FUT9: variants seen among roughly 807,000 people sequenced by gnomAD.
FUT9 encodes the protein fucosyltransferase 9.
FUT9 carries 15 observed loss-of-function variants against 29.7 expected under a neutral mutation model. The ratio of observed to expected loss-of-function variants is 0.51; its 90% CI spans 0.34 to 0.78. FUT9 has a LOEUF of 0.78. Ranked by LOEUF, FUT9 falls within the 30% of genes least tolerant of loss-of-function variation. The probability of loss-of-function intolerance (pLI) is 0.01; values close to 1 mark genes in which losing one functional copy is unlikely to be tolerated. For synonymous variants in FUT9, 169 were observed against 153.7 expected, an observed-to-expected ratio of 1.10 and a Z score of -0.74; for missense variants, 319 against 425.4, an observed-to-expected ratio of 0.75 and a Z score of 2.20.
intron 1 of FUT9, among the ~76,000 whole-genome samples, chr6:96,057,969 A>G (rs759317812): frequency 3.3e-5 from 5 of 152,284 alleles, no homozygotes; most frequent in African/African-American, 4.8e-5. Context: ...AGCCTCTCCA[A>G]ACATTTTTAA....
chr6:96,092,883 C>T (rs999155170), intron 1 of FUT9, among the ~76,000 whole-genome samples: 2 of 152,036 alleles, frequency 1.3e-5, no homozygotes, highest in African/African-American at 4.8e-5. Context: ...ACCTCAACCT[C>T]CTGAGTAGTT....
At chr6:96,158,554 G>C (rs1440347333) in intron 2 of FUT9, among the ~76,000 whole-genome samples, 1 of 152,068 alleles carries the variant, frequency 6.6e-6, no homozygotes, top group Non-Finnish European at 1.5e-5. Flanking sequence ...GGGCAAAACA[G>C]ATTGGTCCCT....
At chr6:96,055,117 T>C (rs1261250523) in intron 1 of FUT9, among the ~76,000 whole-genome samples, 1 of 152,176 alleles carries the variant, frequency 6.6e-6, no homozygotes, top group African/African-American at 2.4e-5. Context: ...TGCTCTTATT[T>C]AATACTGTAT....
intron 1 of FUT9, among the ~76,000 whole-genome samples, chr6:96,054,493 TAA>T (rs1402432177): frequency 1.3e-5 from 2 of 152,046 alleles, no homozygotes; most frequent in African/African-American, 2.4e-5. Context: ...ACTACAAAGA[TAA>T]AAGAAAAGAA....
chr6:96,060,752 G>C (rs1048185159), intron 1 of FUT9, among the ~76,000 whole-genome samples: 3 of 152,116 alleles, frequency 2.0e-5, no homozygotes, highest in Non-Finnish European at 2.9e-5. Flanking sequence ...TAGCCAGGCT[G>C]TTCTCAAACT....
At chr6:96,032,525 G>A (rs182928854) in intron 1 of FUT9, among the ~76,000 whole-genome samples, 112 of 151,662 alleles carry the variant, frequency 7.4e-4, no homozygotes, top group African/African-American at 2.6e-3. Context: ...TTAAATATCT[G>A]AGTAACTCTA....
At chr6:96,132,590 T>C (rs563259518) in intron 2 of FUT9, among the ~76,000 whole-genome samples, 13 of 152,070 alleles carry the variant, frequency 8.5e-5, no homozygotes, top group Non-Finnish European at 1.9e-4. Context: ...GGCGACAATT[T>C]TGGGGGACTT....
intron 1 of FUT9, among the ~76,000 whole-genome samples, chr6:96,095,736 A>G (rs1405006090): frequency 6.6e-6 from 1 of 151,996 alleles, no homozygotes; most frequent in African/African-American, 2.4e-5. Flanking sequence ...ATCAAATTTC[A>G]TGTTGGGCAT....
chr6:96,163,295 T>TTG (rs5878419), intron 2 of FUT9, among the ~76,000 whole-genome samples: 1 of 148,826 alleles, frequency 6.7e-6, no homozygotes, highest in Non-Finnish European at 1.5e-5. Flanking sequence ...TTTTTTTTTT[T>TTG]GAAAACGAGA....
chr6:96,041,806 C>T (rs1770465724), intron 1 of FUT9, among the ~76,000 whole-genome samples: 2 of 152,104 alleles, frequency 1.3e-5, no homozygotes, highest in Non-Finnish European at 1.5e-5. Context: ...CGATGAGTCT[C>T]CTCTTGTTAC....
intron 2 of FUT9, among the ~76,000 whole-genome samples, chr6:96,190,569 C>T (rs959208660): frequency 1.3e-5 from 2 of 152,144 alleles, no homozygotes; most frequent in African/African-American, 2.4e-5. Flanking sequence ...TTGGTCTTTC[C>T]ACATAGTCCC....
chr6:96,069,619 A>T (rs1032604774), intron 1 of FUT9, among the ~76,000 whole-genome samples: 21 of 103,692 alleles, frequency 2.0e-4, no homozygotes, highest in South Asian at 1.8e-3. Flanking sequence ...TTATTTTTTT[A>T]TTTTTTTATT....
chr6:96,095,211 A>G (rs80114047), intron 1 of FUT9, among the ~76,000 whole-genome samples: 3,394 of 152,110 alleles, frequency 0.022, 64 homozygotes, highest in East Asian at 0.079. Context: ...ATGATCCCTC[A>G]CCTTTAAAGA....
intron 2 of FUT9, among the ~76,000 whole-genome samples, chr6:96,174,879 G>A (rs974850244): frequency 6.6e-6 from 1 of 152,034 alleles, no homozygotes; most frequent in African/African-American, 2.4e-5. Flanking sequence ...ACAAACCAAA[G>A]CTCCTTGAAA....
At chr6:96,113,393 C>A (rs184364951) in intron 1 of FUT9, among the ~76,000 whole-genome samples, 15 of 152,004 alleles carry the variant, frequency 9.9e-5, no homozygotes, top group Non-Finnish European at 1.8e-4. Context: ...TGCCTGCTAC[C>A]ACACCCAGCT....
Position 96,212,372 on chromosome 6 carries a change from G to A in FUT9, c.*8137G>A, listed in dbSNP as rs1773953939. The A allele has an allele frequency of 1.5e-5, 6 of 412,278 alleles. No homozygotes were observed. In the South Asian group the frequency reaches 7.6e-4, roughly 52 times the overall value. The allele number at this position is 412,278 out of a possible 1,614,324, so 25.5% of individuals were successfully genotyped here. A position where few individuals can be genotyped will look rare whatever the true frequency, so the allele number is the denominator to read the frequency against. ...CATTTACTGGTTTTCTGCCTCAAGA[G>A]TCCTTAAGCAAATGAAGATTATCTG... is the stretch of plus-strand genomic sequence containing the variant. On this transcript the variant is annotated 3_prime_UTR_variant, in exon 3 of 3. Coordinates refer to ENST00000302103, the MANE Select transcript of FUT9 (RefSeq NM_006581.4).
intron 1 of FUT9, among the ~76,000 whole-genome samples, chr6:96,084,148 C>G (rs1562119570): frequency 6.6e-6 from 1 of 151,982 alleles, no homozygotes; most frequent in Non-Finnish European, 1.5e-5. Flanking sequence ...AAAATTAAAA[C>G]AGAGAGAGAG....
At chr6:96,054,487 C>T (rs1468121545) in intron 1 of FUT9, among the ~76,000 whole-genome samples, 2 of 152,028 alleles carry the variant, frequency 1.3e-5, no homozygotes, top group East Asian at 3.9e-4. Flanking sequence ...CTTTTGACTA[C>T]AAAGATAAAA....
At chr6:96,141,352 A>G (rs1772459832) in intron 2 of FUT9, among the ~76,000 whole-genome samples, 1 of 152,200 alleles carries the variant, frequency 6.6e-6, no homozygotes, top group South Asian at 2.1e-4. Flanking sequence ...TTCCACAATC[A>G]AATAAGTTTC....
Sources: gnomAD v4.1 joint callset for allele counts (sites outside exome capture counted in the v4.1 genomes callset) on GRCh38, gnomAD v4.1.1 for gene constraint, MANE v1.5 for transcripts, NCBI Gene and HGNC (gene_info 2026-07-23, HGNC 2026-07-21) for gene names.